Variants in LRRC72 observed in about 807,000 individuals in gnomAD.
LRRC72 encodes leucine rich repeat containing 72.
In LRRC72, 41 loss-of-function variants were observed where a neutral mutation model predicts 35.8. The ratio of observed to expected loss-of-function variants is 1.15; its 90% CI spans 0.89 to 1.49. LRRC72 has a LOEUF of 1.49. LRRC72 is among the 40% of genes most tolerant of loss of function. The pLI is 0.00. For missense variants in LRRC72, 389 were observed against 330.7 expected (o/e 1.18, Z -1.37); for synonymous variants, 118 against 119.2 (o/e 0.99, Z 0.07).
chr7:16,557,343 C>A lies in LRRC72; in HGVS notation c.235-17C>A. On this transcript the variant is annotated splice_polypyrimidine_tract_variant and intron_variant, in intron 3 of 8. Transcript: ENST00000401542. ...GTTATTATAGAAAGTATATTGTTCTCTAACTCTCATTTTTAGCTCCATGGA... is the reference window on the plus strand; with the variant it reads ...GTTATTATAGAAAGTATATTGTTCTATAACTCTCATTTTTAGCTCCATGGA... The A allele has an allele frequency of 1.9e-6, 2 of 1,064,638 alleles. No homozygotes were observed. The highest frequency in any genetic ancestry group is 2.7e-5 in the South Asian group (1 of 37,408). 65.9% of individuals were successfully genotyped at this position (1,064,638 alleles called of 1,614,324 possible). A position where few individuals can be genotyped will look rare whatever the true frequency, so the allele number is the denominator to read the frequency against.
At chr7:16,532,618 A>G in intron 2 of LRRC72, 50 bp downstream of exon 2, 1 of 1,281,968 alleles carries the variant, frequency 7.8e-7, no homozygotes, top group Non-Finnish European at 1.1e-6. Context: ...TATCATGATC[A>G]TGTTAAAATG....
At chr7:16,548,993 C>T (rs544464632) in intron 3 of LRRC72, among the ~76,000 whole-genome samples, 2 of 152,142 alleles carry the variant, frequency 1.3e-5, no homozygotes, top group African/African-American at 2.4e-5. Flanking sequence ...GGCTGTTCCC[C>T]TCGAACTTAG....
Position 16,557,381 on chromosome 7 carries a change from A to G in LRRC72, c.256A>G (p.Thr86Ala). The G allele has an allele frequency of 7.5e-7, 1 of 1,325,064 alleles. No individual in the cohort carries two copies. Among genetic ancestry groups the G allele is most frequent in the Non-Finnish European group, 9.9e-7 (1 of 1,007,340 alleles). The allele number at this position is 1,325,064 out of a possible 1,614,324, so 82.1% of individuals were successfully genotyped here. A position where few individuals can be genotyped will look rare whatever the true frequency, so the allele number is the denominator to read the frequency against. Reference sequence around the variant, plus strand: ...TTAGCTCCATGGAATAACATTTCTAACTAGAAACTATTGTCTGACAGAACT... The same window carrying G: ...TTAGCTCCATGGAATAACATTTCTAGCTAGAAACTATTGTCTGACAGAACT... Reference protein sequence around the residue: ...HNKLHGITFLTRNYCLTELYL... With the variant: ...HNKLHGITFLARNYCLTELYL... The change falls in exon 4 of 9, where the codon ACT (threonine) becomes GCT (alanine). Residue 86 changes from threonine (T) to alanine (A), a missense_variant. Thr to Ala is a moderately conservative substitution (Grantham distance 58, BLOSUM62 0). Transcript: ENST00000401542.
At chr7:16,574,491 C>T (rs1783003385) in intron 7 of LRRC72, among the ~76,000 whole-genome samples, 1 of 152,126 alleles carries the variant, frequency 6.6e-6, no homozygotes, top group African/African-American at 2.4e-5. Context: ...AGTTCATGTC[C>T]TTTGCAGGGA....
At chr7:16,546,417 G>T (rs1782443934) in intron 3 of LRRC72, among the ~76,000 whole-genome samples, 1 of 152,008 alleles carries the variant, frequency 6.6e-6, no homozygotes, top group South Asian at 2.1e-4. Flanking sequence ...ACCCATTAAT[G>T]CCAGGAGATG....
At chr7:16,576,319 G>A (rs1438673882) in intron 7 of LRRC72, among the ~76,000 whole-genome samples, 2 of 151,776 alleles carry the variant, frequency 1.3e-5, no homozygotes, top group Non-Finnish European at 2.9e-5. Flanking sequence ...TTACCTTATG[G>A]TGACATTCTA....
intron 3 of LRRC72, among the ~76,000 whole-genome samples, chr7:16,557,040 A>T (rs1226002243): frequency 6.6e-6 from 1 of 152,206 alleles, no homozygotes; most frequent in African/African-American, 2.4e-5. Flanking sequence ...ATGGAGCAGA[A>T]GTAGAAGAAA....
intron 1 of LRRC72, among the ~76,000 whole-genome samples, chr7:16,529,562 G>A (rs1782128465): frequency 6.6e-6 from 1 of 152,096 alleles, no homozygotes; most frequent in Non-Finnish European, 1.5e-5. Context: ...GTGAAGCTGT[G>A]TGTTCACTGG....
intron 3 of LRRC72, among the ~76,000 whole-genome samples, chr7:16,547,944 G>A (rs998099878): frequency 6.6e-6 from 1 of 152,254 alleles, no homozygotes; most frequent in African/African-American, 2.4e-5. Context: ...GGGCTGGGGT[G>A]CCAGTCCCAT....
intron 3 of LRRC72, among the ~76,000 whole-genome samples, chr7:16,538,102 A>G (rs1156796087): frequency 1.3e-5 from 2 of 152,322 alleles, no homozygotes; most frequent in Middle Eastern, 3.4e-3. Flanking sequence ...ATAAATGAGA[A>G]TATAATAGCC....
At chr7:16,567,627 C>T (rs1282964674) in intron 7 of LRRC72, 84 bp downstream of exon 7, 13 of 1,095,910 alleles carry the variant, frequency 1.2e-5, no homozygotes, top group Non-Finnish European at 1.6e-5. Context: ...GTAATAATAA[C>T]AACTACAATT....
intron 1 of LRRC72, chr7:16,530,200 C>G (rs1173522252): frequency 6.6e-6 from 1 of 152,056 alleles, no homozygotes; most frequent in Non-Finnish European, 1.5e-5. Flanking sequence ...ATTACGGAGG[C>G]TGAGAAGTCC....
chr7:16,550,263 G>A (rs1782526117), intron 3 of LRRC72, among the ~76,000 whole-genome samples: 1 of 151,944 alleles, frequency 6.6e-6, no homozygotes, highest in African/African-American at 2.4e-5. Context: ...CTGAAGTATA[G>A]CAATGGTTCT....
chr7:16,543,766 T>C (rs2128335699), intron 3 of LRRC72, among the ~76,000 whole-genome samples: 1 of 152,322 alleles, frequency 6.6e-6, no homozygotes, highest in South Asian at 2.1e-4. Flanking sequence ...GTACTTTTGC[T>C]TCTGGATGTT....
At position 16,572,634 on chromosome 7, in the gene LRRC72, G is replaced by A. The variant is rs137875162; in HGVS notation, c.670+5091G>A. 1.4e-3 allele frequency among the ~76,000 whole-genome samples: 210 copies of A among 152,206 alleles called. 4 individuals are homozygous for A. The Middle Eastern group carries it at 0.044, about 32-fold the overall frequency. On this transcript the variant is annotated intron_variant, in intron 7 of 8. Coordinates refer to ENST00000401542, the MANE Select transcript of LRRC72 (RefSeq NM_001195280.2). ...ATGCTAAAAATCCTCAATAAACTAG[G>A]TATTGAAGGAACATATATCAAAATA...
chr7:16,573,469 T>C (rs148068414), intron 7 of LRRC72, among the ~76,000 whole-genome samples: 1 of 152,052 alleles, frequency 6.6e-6, no homozygotes, highest in African/African-American at 2.4e-5. Context: ...TAGACCAATG[T>C]AACAGAACAG....
chr7:16,562,379 A>G (rs1055637965), intron 5 of LRRC72, among the ~76,000 whole-genome samples: 1 of 152,210 alleles, frequency 6.6e-6, no homozygotes, highest in African/African-American at 2.4e-5. Context: ...CGCCACCAAA[A>G]GCCGCAGCAA....
At chr7:16,566,269 G>A in intron 5 of LRRC72, 44 bp from the exon 6 acceptor site, 11 of 1,292,800 alleles carry the variant, frequency 8.5e-6, no homozygotes, top group Non-Finnish European at 1.2e-5. Flanking sequence ...AAGTGAAACT[G>A]ATTTTGAAAT....
intron 3 of LRRC72, among the ~76,000 whole-genome samples, chr7:16,552,827 C>T (rs1240332602): frequency 4.6e-5 from 7 of 152,260 alleles, no homozygotes; most frequent in Middle Eastern, 3.4e-3. Flanking sequence ...AGTTCAGCTT[C>T]GTGTCCTGAA....
Sources: allele counts gnomAD v4.1 joint callset (sites outside exome capture counted in the v4.1 genomes callset), GRCh38; gene constraint gnomAD v4.1.1; transcripts MANE v1.5; gene names NCBI Gene and HGNC (gene_info 2026-07-23, HGNC 2026-07-21).